Variants in OPCML observed in about 807,000 individuals in gnomAD.
OPCML encodes opioid-binding protein/cell adhesion molecule.
OPCML carries 13 observed loss-of-function variants against 37.8 expected under a neutral mutation model. The observed-to-expected ratio is 0.34, with a 90% CI of 0.22 to 0.55. The LOEUF is 0.55. Among genes scored for constraint, OPCML ranks in the 20% least tolerant of loss-of-function variants. The probability of loss-of-function intolerance (pLI) is 0.91; values close to 1 mark genes in which losing one functional copy is unlikely to be tolerated. For missense variants in OPCML, 341 were observed against 435.6 expected, an observed-to-expected ratio of 0.78 and a Z score of 1.93; for synonymous variants, 176 against 168.8, an observed-to-expected ratio of 1.04 and a Z score of -0.33.
At chr11:133,399,209 T>C (rs1945349191) in intron 1 of OPCML, among the ~76,000 whole-genome samples, 1 of 152,168 alleles carries the variant, frequency 6.6e-6, no homozygotes, top group South Asian at 2.1e-4. Flanking sequence ...ATATCCTCTA[T>C]TTTTAACTTG....
intron 1 of OPCML, among the ~76,000 whole-genome samples, chr11:133,327,697 C>T (rs1460790928): frequency 6.6e-6 from 1 of 152,170 alleles, no homozygotes; most frequent in Non-Finnish European, 1.5e-5. Context: ...GCCAGATTCT[C>T]TGAGCAGCAC....
At chr11:132,562,907 C>T (rs561759407) in intron 3 of OPCML, among the ~76,000 whole-genome samples, 1 of 152,286 alleles carries the variant, frequency 6.6e-6, no homozygotes, top group African/African-American at 2.4e-5. Flanking sequence ...CTGGAAATGC[C>T]TCTAGAATCT....
intron 1 of OPCML, among the ~76,000 whole-genome samples, chr11:133,015,698 T>C (rs1034387545): frequency 2.0e-5 from 3 of 152,174 alleles, no homozygotes; most frequent in African/African-American, 7.2e-5. Context: ...TCCTTCCACA[T>C]ACTGACTGTT....
At position 133,204,868 on chromosome 11, in the gene OPCML, GTATATATATATATATATATATATA is replaced by G. The variant is rs57658806; in HGVS notation, c.62-261882_62-261859del. On this transcript the variant is annotated intron_variant, in intron 1 of 7. Coordinates refer to ENST00000524381, the MANE Select transcript of OPCML (RefSeq NM_001012393.5). The stretch of plus-strand genomic sequence containing the variant: ...TGATCTATTATATATATATATATGT[GTATATATATATATATATATATATA>G]TATATATATATATATATACATACAC... 2.0e-4 allele frequency among the ~76,000 whole-genome samples: 23 copies of G among 117,330 alleles called. 1 individual carries two copies. Among genetic ancestry groups the G allele is most frequent in the East Asian group, 1.2e-3 (2 of 1,642 alleles). 77.0% of individuals were successfully genotyped at this position (117,330 alleles called of 152,430 possible).
intron 2 of OPCML, among the ~76,000 whole-genome samples, chr11:132,893,038 C>G (rs1293499357): frequency 6.6e-6 from 1 of 152,198 alleles, no homozygotes; most frequent in East Asian, 1.9e-4. Context: ...ACTCACATTT[C>G]ACCCCTCTGC....
rs1218869129 is a variant in OPCML at position 133,356,471 on chromosome 11, C to T, written c.61+175793G>A. Among the ~76,000 whole-genome samples, 6 of 152,218 alleles carry T rather than the reference C, an allele frequency of 3.9e-5. No individual in the cohort carries two copies. In the East Asian group the frequency reaches 9.7e-4, roughly 25 times the overall value. On this transcript the variant is annotated intron_variant, in intron 1 of 7. Coordinates refer to ENST00000524381, the MANE Select transcript of OPCML (RefSeq NM_001012393.5). ...AGACCTGCCTCTCTAGTTCTCTGAC[C>T]GTGTGAGAAAGTAGGAGCCAGAGGG...
intron 4 of OPCML, among the ~76,000 whole-genome samples, chr11:132,485,116 T>G (rs1327733106): frequency 6.6e-6 from 1 of 152,000 alleles, no homozygotes; most frequent in Non-Finnish European, 1.5e-5. Flanking sequence ...AATTAGTTCT[T>G]AATATCACTG....
At chr11:133,365,128 G>C (rs572539916) in intron 1 of OPCML, among the ~76,000 whole-genome samples, 1 of 150,948 alleles carries the variant, frequency 6.6e-6, no homozygotes, top group Non-Finnish European at 1.5e-5. Flanking sequence ...GTGCAATGCC[G>C]ACCACCTCCA....
At chr11:133,131,859 G>C (rs1949609407) in intron 1 of OPCML, among the ~76,000 whole-genome samples, 1 of 152,026 alleles carries the variant, frequency 6.6e-6, no homozygotes. Flanking sequence ...CAATTCAGTG[G>C]AGAAAAAATA....
At chr11:133,082,955 C>T (rs574230168) in intron 1 of OPCML, among the ~76,000 whole-genome samples, 2 of 150,980 alleles carry the variant, frequency 1.3e-5, no homozygotes, top group East Asian at 4.0e-4. Context: ...CAGTGCCTCG[C>T]CGGGACCGCA....
intron 1 of OPCML, among the ~76,000 whole-genome samples, chr11:133,034,891 C>G (rs58121307): frequency 6.8e-6 from 1 of 147,800 alleles, no homozygotes; most frequent in African/African-American, 2.4e-5. Context: ...GCTCTAATAG[C>G]GCTGGTTCGC....
intron 1 of OPCML, among the ~76,000 whole-genome samples, chr11:133,014,867 T>C (rs1158999734): frequency 6.6e-6 from 1 of 152,226 alleles, no homozygotes; most frequent in Non-Finnish European, 1.5e-5. Flanking sequence ...GTCCTAGTAT[T>C]GGTGCCGTAT....
intron 1 of OPCML, among the ~76,000 whole-genome samples, chr11:133,325,544 A>G (rs1206740259): frequency 6.6e-6 from 1 of 152,234 alleles, no homozygotes; most frequent in East Asian, 1.9e-4. Flanking sequence ...GTTTGTGCAT[A>G]TATGTGCTTG....
At position 133,483,802 on chromosome 11, in the gene OPCML, T is replaced by TGATAGATAGAC. The variant is rs1565659717; in HGVS notation, c.61+48461_61+48462insGTCTATCTATC. On this transcript the variant is annotated intron_variant, in intron 1 of 7. Transcript: ENST00000524381. Reference sequence around the variant, plus strand: ...GATGGATAGATACATAGATGATAGATAGATAGATAGATAGATAGATAGATA... The same window carrying TGATAGATAGAC: ...GATGGATAGATACATAGATGATAGATGATAGATAGACAGATAGATAGATAGATAGATAGATA... Among the ~76,000 whole-genome samples the TGATAGATAGAC allele has an allele frequency of 5.4e-5, 4 of 74,714 alleles. No homozygotes were observed. In the African/African-American group the frequency reaches 5.6e-4, roughly 11 times the overall value. The allele number at this position is 74,714 out of a possible 152,430, so 49.0% of individuals were successfully genotyped here.
In OPCML at chr11:132,421,573, T is replaced by A. The variant is rs144781595; in HGVS notation, c.917-1280A>T. On this transcript the variant is annotated intron_variant, in intron 7 of 7. Coordinates refer to ENST00000524381, the MANE Select transcript of OPCML (RefSeq NM_001012393.5). ...CTCACTTCAGCAATGAGTATACAAC[T>A]GTTCCTCTCCACTAATCTTAACATG... Among the ~76,000 whole-genome samples, 20 of 152,332 alleles carry A rather than the reference T, an allele frequency of 1.3e-4. No homozygotes were observed. In the East Asian group the frequency reaches 3.9e-3, roughly 29 times the overall value.
chr11:132,761,530 T>G (rs1946267540), intron 2 of OPCML, among the ~76,000 whole-genome samples: 2 of 152,142 alleles, frequency 1.3e-5, no homozygotes, highest in South Asian at 4.1e-4. Flanking sequence ...TCTCTAATCT[T>G]GTCTTAACGC....
intron 2 of OPCML, among the ~76,000 whole-genome samples, chr11:132,791,020 A>T (rs1356590375): frequency 1.3e-5 from 2 of 152,152 alleles, no homozygotes; most frequent in African/African-American, 4.8e-5. Context: ...CCTTGTGTTT[A>T]TTTGGCATAT....
chr11:132,972,357 G>A (rs1946364264), intron 1 of OPCML, among the ~76,000 whole-genome samples: 1 of 152,098 alleles, frequency 6.6e-6, no homozygotes. Context: ...GTGTATTCTG[G>A]GCTTACAGCA....
chr11:132,567,939 T>A (rs746341022), intron 3 of OPCML, among the ~76,000 whole-genome samples: 11 of 152,032 alleles, frequency 7.2e-5, no homozygotes, highest in Non-Finnish European at 1.5e-4. Context: ...CCTGGGAAAA[T>A]GGCAACATAA....
Sources: gnomAD v4.1 joint callset for allele counts (sites outside exome capture counted in the v4.1 genomes callset) on GRCh38, gnomAD v4.1.1 for gene constraint, MANE v1.5 for transcripts, NCBI Gene and HGNC (gene_info 2026-07-23, HGNC 2026-07-21) for gene names.